Variants in ZNF106 observed in about 807,000 individuals in gnomAD.
ZNF106 encodes zinc finger protein 106.
Under a neutral mutation model 195.1 loss-of-function variants are expected in ZNF106, and 67 were observed. That is an observed-to-expected ratio of 0.34 (90% confidence interval 0.28 to 0.42). ZNF106 has a LOEUF of 0.42. Among genes scored for constraint, ZNF106 ranks in the 10% least tolerant of loss-of-function variants. The probability of loss-of-function intolerance (pLI) is 1.00; values close to 1 mark genes in which losing one functional copy is unlikely to be tolerated. For synonymous variants in ZNF106, 784 were observed against 818.6 expected (o/e 0.96, Z 0.72); for missense variants, 2,118 against 2,304.5 (o/e 0.92, Z 1.66).
intron 1 of ZNF106, among the ~76,000 whole-genome samples, chr15:42,479,094 C>A (rs2056845472): frequency 6.6e-6 from 1 of 152,160 alleles, no homozygotes; most frequent in South Asian, 2.1e-4. Context: ...TATTAAGAGG[C>A]TAGGAGCTAC....
Position 42,415,122 on chromosome 15 carries a change from C to CTTTT in ZNF106, c.*2178_*2181dup. Reference sequence around the variant, plus strand: ...CCATTCATTATCTCCTAGATTAACTCTTTTTTTTTTTTTTTTGAGGTGGAG... The same window carrying CTTTT: ...CCATTCATTATCTCCTAGATTAACTCTTTTTTTTTTTTTTTTTTTTGAGGTGGAG... On this transcript the variant is annotated 3_prime_UTR_variant, in exon 22 of 22. Transcript: ENST00000564754. 2 of 161,246 alleles carry CTTTT rather than the reference C, an allele frequency of 1.2e-5. No individual in the cohort carries two copies. The highest frequency in any genetic ancestry group is 1.3e-5 in the Non-Finnish European group (1 of 78,418). The allele number at this position is 161,246 out of a possible 1,614,324, so 10.0% of individuals were successfully genotyped here.
intron 13 of ZNF106, among the ~76,000 whole-genome samples, chr15:42,436,664 TA>T (rs1273564064): frequency 1.3e-5 from 2 of 152,228 alleles, no homozygotes; most frequent in African/African-American, 4.8e-5. Flanking sequence ...TTGAGAGTAA[TA>T]AGCATCAGAT....
chr15:42,469,098 T>C (rs899536193), intron 2 of ZNF106, among the ~76,000 whole-genome samples: 4 of 151,806 alleles, frequency 2.6e-5, no homozygotes, highest in African/African-American at 9.7e-5. Flanking sequence ...AGCAGGAGGA[T>C]CACTTGAACC....
At position 42,456,949 on chromosome 15, in the gene ZNF106, A is replaced by G. The variant is rs1209457621; in HGVS notation, c.317+9T>C. ...TAGATAGGCTTTTTTTAAAAAATCA[A>G]TTACTTACCGACTTTGTTCTTTCCT... On this transcript the variant is annotated intron_variant, in intron 4 of 21. Coordinates refer to ENST00000564754, the MANE Select transcript of ZNF106 (RefSeq NM_001366845.3). 5.0e-6 allele frequency: 8 copies of G among 1,608,854 alleles called. No individual in the cohort carries two copies. The highest frequency in any genetic ancestry group is 1.1e-5 in the South Asian group (1 of 90,478).
intron 1 of ZNF106, among the ~76,000 whole-genome samples, chr15:42,480,284 C>A (rs959081502): frequency 6.6e-6 from 1 of 152,108 alleles, no homozygotes; most frequent in Non-Finnish European, 1.5e-5. Context: ...CATGAACTGA[C>A]CTTTTATTGT....
intron 2 of ZNF106, among the ~76,000 whole-genome samples, chr15:42,471,477 C>T (rs2056666867): frequency 6.6e-6 from 1 of 152,172 alleles, no homozygotes; most frequent in South Asian, 2.1e-4. Context: ...TGCCTGTAAT[C>T]CTAGCACTTT....
chr15:42,444,320 T>C, intron 8 of ZNF106, 58 bp from the exon 9 acceptor site: 1 of 1,376,114 alleles, frequency 7.3e-7, no homozygotes, highest in Non-Finnish European at 1.0e-6. Flanking sequence ...GTCCTCTAGG[T>C]CTCCCCATTT....
In ZNF106 at chr15:42,456,639, G is replaced by C. The variant is rs367975630; in HGVS notation, c.317+319C>G. ...TGCACTCCAGTCTGGGTGGGTGACA[G>C]AGTGAGACTCCATCTTAAAAAAAAA... is the stretch of plus-strand genomic sequence containing the variant. On this transcript the variant is annotated intron_variant, in intron 4 of 21. Coordinates refer to ENST00000564754, the MANE Select transcript of ZNF106 (RefSeq NM_001366845.3). 6.7e-5 allele frequency among the ~76,000 whole-genome samples: 10 copies of C among 150,134 alleles called. No individual in the cohort carries two copies. The East Asian group carries it at 1.6e-3, about 23-fold the overall frequency.
intron 11 of ZNF106, 152 bp from the exon 12 acceptor site, chr15:42,438,819 A>G: frequency 1.1e-6 from 1 of 882,312 alleles, no homozygotes; most frequent in Non-Finnish European, 1.7e-6. Context: ...TTCTTAATGA[A>G]GGGAAATAAA....
chr15:42,472,717 T>C, intron 1 of ZNF106, among the ~76,000 whole-genome samples: 1 of 152,090 alleles, frequency 6.6e-6, no homozygotes, highest in Non-Finnish European at 1.5e-5. Flanking sequence ...TCTTTTAAAG[T>C]TTAATTCAGA....
At chr15:42,476,279 A>G (rs1323993995) in intron 1 of ZNF106, among the ~76,000 whole-genome samples, 1 of 152,212 alleles carries the variant, frequency 6.6e-6, no homozygotes, top group African/African-American at 2.4e-5. Context: ...GTAAATACAT[A>G]AATTCCATTA....
intron 3 of ZNF106, among the ~76,000 whole-genome samples, chr15:42,459,250 T>C (rs182607310): frequency 6.6e-6 from 1 of 152,132 alleles, no homozygotes; most frequent in African/African-American, 2.4e-5. Flanking sequence ...CCGAGGCGGA[T>C]GGATCACCTG....
At chr15:42,447,951 C>A (rs2055831364) in intron 6 of ZNF106, 121 bp downstream of exon 6, 5 of 1,186,320 alleles carry the variant, frequency 4.2e-6, no homozygotes, top group Non-Finnish European at 5.9e-6. Flanking sequence ...CCTCACAATT[C>A]TTCTAGAAGT....
chr15:42,420,791 G>A (rs779749373), intron 20 of ZNF106, among the ~76,000 whole-genome samples: 7 of 152,120 alleles, frequency 4.6e-5, no homozygotes, highest in Non-Finnish European at 1.0e-4. Flanking sequence ...AATCTCTGAT[G>A]AGCGGGAGTA....
chr15:42,480,100 C>T (rs1018712694), intron 1 of ZNF106, among the ~76,000 whole-genome samples: 3 of 152,134 alleles, frequency 2.0e-5, no homozygotes, highest in Admixed American at 6.5e-5. Context: ...CTTCCCACCT[C>T]GGCCTCCCAA....
In ZNF106 at chr15:42,435,439, T is replaced by A. The variant is rs752321224; in HGVS notation, c.4826A>T (p.Asn1609Ile). The A allele has an allele frequency of 6.2e-7, 1 of 1,614,216 alleles. No individual in the cohort carries two copies. Residue 1609 changes from asparagine to isoleucine, a missense_variant, in exon 14 of 22, where the codon AAT becomes ATT. Transcript: ENST00000564754. ...ACTGGACCCGGTGTAAAGGGCAGCA[T>A]TCTTCCCGGAGGTCTGAGTAACCAG... ...CLLVTQTSGK[N>I]AALYTGSSDH...
intron 2 of ZNF106, among the ~76,000 whole-genome samples, chr15:42,469,865 A>C (rs2056623967): frequency 6.6e-6 from 1 of 151,616 alleles, no homozygotes; most frequent in Admixed American, 6.6e-5. Flanking sequence ...CAACAAAAAA[A>C]AAAAAAGAAA....
chr15:42,448,226 T>C lies in ZNF106; in HGVS notation c.2981A>G (p.Gln994Arg). The C allele has an allele frequency of 6.2e-7, 1 of 1,614,196 alleles. No individual in the cohort carries two copies. The highest frequency in any genetic ancestry group is 1.1e-5 in the South Asian group (1 of 91,082). ...SIPPSENQNS[Q>R]ESNGEGNCLS... ...ACAGTTTCCCTCTCCATTACTCTCC[T>C]GGGAATTCTGATTCTCTGACGGTGG... is the stretch of plus-strand genomic sequence containing the variant. Residue 994 changes from glutamine to arginine, a missense_variant, in exon 6 of 22, where the codon CAG becomes CGG. Transcript: ENST00000564754.
rs183485358 is a variant in ZNF106 at position 42,473,265 on chromosome 15, G to A, written c.-32-944C>T. On this transcript the variant is annotated intron_variant, in intron 1 of 21. Coordinates refer to ENST00000564754, the MANE Select transcript of ZNF106 (RefSeq NM_001366845.3). Reference sequence around the variant, plus strand: ...CAACACTTTTGGTCCCAAGCATTTCGGATAAAGGAACTCAACCTGTATGTA... The same window carrying A: ...CAACACTTTTGGTCCCAAGCATTTCAGATAAAGGAACTCAACCTGTATGTA... Among the ~76,000 whole-genome samples, 5 of 152,222 alleles carry A rather than the reference G, an allele frequency of 3.3e-5. No homozygotes were observed. In the East Asian group the frequency reaches 5.8e-4, roughly 18 times the overall value.
Sources: gnomAD v4.1 joint callset for allele counts (sites outside exome capture counted in the v4.1 genomes callset) on GRCh38, gnomAD v4.1.1 for gene constraint, MANE v1.5 for transcripts, NCBI Gene and HGNC (gene_info 2026-07-23, HGNC 2026-07-21) for gene names.